Variants in RGSL1 observed in about 807,000 individuals in gnomAD.
RGSL1 encodes regulator of G protein signaling protein-like.
Under a neutral mutation model 124.7 loss-of-function variants are expected in RGSL1, and 97 were observed. The observed-to-expected ratio is 0.78, with a 90% CI of 0.66 to 0.92. The LOEUF (loss-of-function observed/expected upper bound fraction) is 0.92, where lower values mean the gene tolerates loss of function less well. RGSL1 is among the 40% of genes least tolerant of loss of function. The pLI is 0.00. For synonymous variants in RGSL1, 424 were observed against 438.1 expected (o/e 0.97, Z 0.40); for missense variants, 1,233 against 1,288.4 (o/e 0.96, Z 0.66).
intron 14 of RGSL1, 73 bp downstream of exon 14, chr1:182,532,864 T>C: frequency 6.8e-7 from 1 of 1,467,944 alleles, no homozygotes; most frequent in Non-Finnish European, 9.2e-7. Context: ...CATAAGAAGC[T>C]TATTGCTTTG....
intron 9 of RGSL1, among the ~76,000 whole-genome samples, chr1:182,510,296 C>T (rs1657315552): frequency 2.7e-5 from 1 of 37,638 alleles, no homozygotes; most frequent in African/African-American, 1.3e-4. Flanking sequence ...GCAGAGGCTG[C>T]AATCTCGGCA....
rs1473060777 is a variant in RGSL1 at position 182,523,175 on chromosome 1, T to C, written c.1931+1066T>C. The stretch of plus-strand genomic sequence containing the variant: ...CTTCAGCCTCCCGAGTAGCTGGGAC[T>C]ACAGGCACATGCCACCATGCCTGTT... On this transcript the variant is annotated intron_variant, in intron 10 of 21. Coordinates refer to ENST00000294854, the MANE Select transcript of RGSL1 (RefSeq NM_001137669.2). Among the ~76,000 whole-genome samples, 4 of 150,748 alleles carry C rather than the reference T, an allele frequency of 2.7e-5. No individual in the cohort carries two copies. The Admixed American group carries it at 2.7e-4, about 10-fold the overall frequency.
chr1:182,500,311 A>G (rs1034652377), intron 9 of RGSL1, among the ~76,000 whole-genome samples: 1 of 152,224 alleles, frequency 6.6e-6, no homozygotes, highest in Non-Finnish European at 1.5e-5. Flanking sequence ...CTAGTCAAAA[A>G]TAAATTGACT....
At chr1:182,496,239 G>T (rs1393571779) in intron 9 of RGSL1, among the ~76,000 whole-genome samples, 1 of 152,080 alleles carries the variant, frequency 6.6e-6, no homozygotes, top group Non-Finnish European at 1.5e-5. Flanking sequence ...ACTCATGATG[G>T]TGAGGACAGT....
intron 4 of RGSL1, among the ~76,000 whole-genome samples, chr1:182,465,737 AAAG>A (rs1414757152): frequency 1.3e-5 from 2 of 152,166 alleles, no homozygotes; most frequent in African/African-American, 2.4e-5. Flanking sequence ...CCAAACATTT[AAAG>A]AAGAATTAAT....
At chr1:182,488,115 T>C (rs1246107628) in intron 6 of RGSL1, among the ~76,000 whole-genome samples, 170 bp from the exon 7 acceptor site, 1 of 152,232 alleles carries the variant, frequency 6.6e-6, no homozygotes, top group Non-Finnish European at 1.5e-5. Flanking sequence ...TATTCAGAGA[T>C]AAAAGAATGC....
intron 8 of RGSL1, 64 bp downstream of exon 8, chr1:182,489,266 C>A: frequency 7.5e-7 from 1 of 1,337,088 alleles, no homozygotes; most frequent in Non-Finnish European, 1.0e-6. Flanking sequence ...TAATATTTAA[C>A]ATTTACTAAT....
In RGSL1 at chr1:182,473,875, T is replaced by C. The variant is rs1654055314; in HGVS notation, c.764T>C (p.Met255Thr). The change falls in exon 6 of 22, where the codon ATG becomes ACG. Residue 255 changes from methionine (M) to threonine (T), a missense_variant. Met to Thr is a moderately conservative substitution (Grantham distance 81, BLOSUM62 -1). Transcript: ENST00000294854. ...RYSSRKAKRK[M>T]WQLVDPDSWS... ...TCAAGCAGGAAAGCCAAGAGGAAGA[T>C]GTGGCAATTGGTAGATCCTGACTCT... The C allele has an allele frequency of 6.4e-7, 1 of 1,551,820 alleles. No homozygotes were observed. Among genetic ancestry groups the C allele is most frequent in the Non-Finnish European group, 8.7e-7 (1 of 1,147,014 alleles).
intron 1 of RGSL1, among the ~76,000 whole-genome samples, chr1:182,450,819 T>G (rs74128925): frequency 1.3e-5 from 2 of 152,264 alleles, no homozygotes; most frequent in Non-Finnish European, 2.9e-5. Flanking sequence ...CATGTTAGAC[T>G]CTATGAATGA....
At chr1:182,501,362 C>G (rs1656372967) in intron 9 of RGSL1, among the ~76,000 whole-genome samples, 1 of 110,722 alleles carries the variant, frequency 9.0e-6, no homozygotes, top group Admixed American at 1.4e-4. Flanking sequence ...CTCTGTCGCC[C>G]AGGCTGGAGT....
intron 9 of RGSL1, among the ~76,000 whole-genome samples, chr1:182,496,851 T>A (rs1655949248): frequency 6.6e-6 from 1 of 151,316 alleles, no homozygotes. Context: ...TTGGAGAGGA[T>A]GTCCAAATAT....
intron 4 of RGSL1, among the ~76,000 whole-genome samples, chr1:182,460,428 G>C (rs1283273107): frequency 6.6e-6 from 1 of 152,202 alleles, no homozygotes; most frequent in African/African-American, 2.4e-5. Flanking sequence ...GGACTGGGCT[G>C]TTTATCTCAC....
At chr1:182,519,577 T>C (rs754913998) in intron 9 of RGSL1, among the ~76,000 whole-genome samples, 14 of 152,142 alleles carry the variant, frequency 9.2e-5, no homozygotes, top group Non-Finnish European at 2.1e-4. Flanking sequence ...GGTTTTATGC[T>C]ACTTGTAGCT....
At chr1:182,496,431 G>A (rs752970601) in intron 9 of RGSL1, among the ~76,000 whole-genome samples, 11 of 152,108 alleles carry the variant, frequency 7.2e-5, no homozygotes, top group Admixed American at 1.3e-4. Context: ...ACATGGACAG[G>A]CTCTCTTACT....
At chr1:182,477,748 G>T (rs1325719500) in intron 6 of RGSL1, among the ~76,000 whole-genome samples, 3 of 152,098 alleles carry the variant, frequency 2.0e-5, no homozygotes, top group Non-Finnish European at 4.4e-5. Flanking sequence ...CCTTACTCAT[G>T]GAAGCCAACA....
intron 9 of RGSL1, among the ~76,000 whole-genome samples, chr1:182,496,528 C>A (rs746875136): frequency 6.6e-6 from 1 of 152,148 alleles, no homozygotes; most frequent in Admixed American, 6.5e-5. Context: ...CAGAAATTTA[C>A]GGATCTATTT....
chr1:182,521,072 T>C (rs1036384817), intron 9 of RGSL1, among the ~76,000 whole-genome samples: 1 of 152,186 alleles, frequency 6.6e-6, no homozygotes, highest in African/African-American at 2.4e-5. Flanking sequence ...GTTTTTATTA[T>C]TTAAAATTAT....
chr1:182,499,267 G>C (rs1483763744), intron 9 of RGSL1, among the ~76,000 whole-genome samples: 1 of 152,160 alleles, frequency 6.6e-6, no homozygotes, highest in Non-Finnish European at 1.5e-5. Flanking sequence ...TACCATCAGT[G>C]GGGTGTTGAA....
chr1:182,520,580 C>A (rs1301385898), intron 9 of RGSL1, among the ~76,000 whole-genome samples: 1 of 151,980 alleles, frequency 6.6e-6, no homozygotes, highest in African/African-American at 2.4e-5. Flanking sequence ...TGTTTCTAAC[C>A]TCTATATATT....
Sources: allele counts gnomAD v4.1 joint callset (sites outside exome capture counted in the v4.1 genomes callset), GRCh38; gene constraint gnomAD v4.1.1; transcripts MANE v1.5; gene names NCBI Gene and HGNC (gene_info 2026-07-23, HGNC 2026-07-21).